The following PCDH15 variants were observed in gnomAD, a reference collection of about 807,000 sequenced individuals.
The protein encoded by PCDH15 is protocadherin-15.
A neutral mutation model predicts 178.5 loss-of-function variants in PCDH15; 129 were observed. The ratio of observed to expected loss-of-function variants is 0.72; its 90% CI spans 0.63 to 0.84. PCDH15 has a LOEUF of 0.84. Ranked by LOEUF, PCDH15 falls within the 40% of genes least tolerant of loss-of-function variation. The probability of loss-of-function intolerance (pLI) is 0.00; values close to 1 mark genes in which losing one functional copy is unlikely to be tolerated. For synonymous variants in PCDH15, 800 were observed against 732.0 expected, an observed-to-expected ratio of 1.09 and a Z score of -1.50; for missense variants, 2,230 against 2,099.9, an observed-to-expected ratio of 1.06 and a Z score of -1.21.
chr10:54,285,466 T>C (rs1479365497), intron 8 of PCDH15, among the ~76,000 whole-genome samples: 2 of 152,076 alleles, frequency 1.3e-5, no homozygotes, highest in African/African-American at 2.4e-5. Flanking sequence ...CCAACAGATA[T>C]ATGAAAAATA....
chr10:55,384,140 T>G (rs1837599155), intron 2 of PCDH15, among the ~76,000 whole-genome samples: 1 of 152,180 alleles, frequency 6.6e-6, no homozygotes, highest in Non-Finnish European at 1.5e-5. Context: ...AGGACAGTTT[T>G]AGACTTTGTT....
chr10:54,061,288 G>T (rs780835515), intron 18 of PCDH15, among the ~76,000 whole-genome samples: 1 of 152,096 alleles, frequency 6.6e-6, no homozygotes, highest in Non-Finnish European at 1.5e-5. Context: ...AAATCCTCTA[G>T]ATTCTATCTC....
chr10:54,390,106 C>G (rs573081190), intron 3 of PCDH15, among the ~76,000 whole-genome samples: 2 of 152,252 alleles, frequency 1.3e-5, no homozygotes, highest in African/African-American at 4.8e-5. Flanking sequence ...AGACTATTAA[C>G]GCCACTTTTC....
At chr10:54,127,132 A>G (rs2042056070) in intron 15 of PCDH15, among the ~76,000 whole-genome samples, 1 of 152,234 alleles carries the variant, frequency 6.6e-6, no homozygotes, top group Non-Finnish European at 1.5e-5. Flanking sequence ...GAACAGTAAG[A>G]AAAACATTTT....
At chr10:54,899,539 C>T (rs1483546789) in intron 2 of PCDH15, among the ~76,000 whole-genome samples, 1 of 146,292 alleles carries the variant, frequency 6.8e-6, no homozygotes, top group Admixed American at 7.1e-5. Flanking sequence ...CCCTGTGGCC[C>T]AGGCTGGAGT....
intron 2 of PCDH15, among the ~76,000 whole-genome samples, chr10:54,663,613 T>C (rs954048649): frequency 2.0e-5 from 3 of 151,200 alleles, no homozygotes; most frequent in Admixed American, 6.6e-5. Context: ...ACTGACTTAC[T>C]GTTAGGGGAA....
chr10:54,657,313 T>C (rs2094424029), intron 2 of PCDH15, among the ~76,000 whole-genome samples: 1 of 152,176 alleles, frequency 6.6e-6, no homozygotes, highest in Non-Finnish European at 1.5e-5. Flanking sequence ...GCTCTTCCAT[T>C]GAAACATTGC....
At chr10:55,464,914 AAAG>A (rs1839800274) in intron 2 of PCDH15, among the ~76,000 whole-genome samples, 2 of 150,204 alleles carry the variant, frequency 1.3e-5, no homozygotes, top group South Asian at 2.1e-4. Context: ...AAAAAAAAAA[AAAG>A]AAACAAAACA....
chr10:55,378,172 G>C (rs2488828), intron 2 of PCDH15, among the ~76,000 whole-genome samples: 95,230 of 151,880 alleles, frequency 0.63, 30,864 homozygotes, highest in African/African-American at 0.76. Flanking sequence ...CAAACCTGCA[G>C]ATTCTGCACC....
chr10:54,916,801 TAC>T (rs140130421), intron 2 of PCDH15, among the ~76,000 whole-genome samples: 10,001 of 152,178 alleles, frequency 0.066, 1,062 homozygotes, highest in African/African-American at 0.22. Context: ...TTGACTTGAA[TAC>T]AGAGTGCCAT....
At chr10:54,253,899 A>T (rs1375697955) in intron 8 of PCDH15, among the ~76,000 whole-genome samples, 1 of 152,036 alleles carries the variant, frequency 6.6e-6, no homozygotes, top group East Asian at 1.9e-4. Context: ...AGAAAAAGAG[A>T]TGTTAATGTC....
At chr10:55,199,533 A>T (rs1310141154) in intron 1 of PCDH15, among the ~76,000 whole-genome samples, 1 of 152,138 alleles carries the variant, frequency 6.6e-6, no homozygotes, top group South Asian at 2.1e-4. Flanking sequence ...GGAAGAAAAA[A>T]AAAATTTCTG....
At chr10:54,489,106 C>T (rs2079354509) in intron 3 of PCDH15, among the ~76,000 whole-genome samples, 1 of 151,880 alleles carries the variant, frequency 6.6e-6, no homozygotes. Context: ...TTTATTATGC[C>T]CTGGATCAAT....
chr10:55,460,722 T>C (rs532255291), intron 2 of PCDH15, among the ~76,000 whole-genome samples: 1 of 152,270 alleles, frequency 6.6e-6, no homozygotes, highest in South Asian at 2.1e-4. Context: ...CAATGTATTA[T>C]CTCATTATGG....
rs115561884 is a variant in PCDH15 at position 54,846,364 on chromosome 10, G to A, written c.-29+51086C>T. Among the ~76,000 whole-genome samples the A allele has an allele frequency of 1.9e-3, 282 of 152,068 alleles. 1 individual carries two copies. The highest frequency in any genetic ancestry group is 6.4e-3 in the African/African-American group (264 of 41,480). ...TGGCCACTTCAATGGCAGGTCCCTCGGGGTTTGTTAAATCATTGCCGAATG... is the reference window on the plus strand; with the variant it reads ...TGGCCACTTCAATGGCAGGTCCCTCAGGGTTTGTTAAATCATTGCCGAATG... On this transcript the variant is annotated intron_variant, in intron 3 of 5. Transcript: ENST00000458638.
intron 1 of PCDH15, among the ~76,000 whole-genome samples, chr10:54,795,992 G>C (rs932043374): frequency 4.6e-5 from 7 of 151,812 alleles, no homozygotes; most frequent in African/African-American, 1.5e-4. Context: ...CCTTTACAGA[G>C]AGAAACCAAG....
intron 2 of PCDH15, among the ~76,000 whole-genome samples, chr10:55,618,423 G>A (rs926685471): frequency 5.3e-5 from 8 of 152,088 alleles, no homozygotes; most frequent in Non-Finnish European, 7.4e-5. Flanking sequence ...CAACTGTACT[G>A]TTACTTAAAT....
At chr10:54,010,659 TC>T (rs1054224156) in intron 20 of PCDH15, among the ~76,000 whole-genome samples, 2 of 151,954 alleles carry the variant, frequency 1.3e-5, no homozygotes, top group Admixed American at 6.6e-5. Flanking sequence ...CCAGAGACAA[TC>T]CACAACCTCT....
At chr10:54,957,444 A>G (rs1838517820) in intron 2 of PCDH15, among the ~76,000 whole-genome samples, 1 of 151,654 alleles carries the variant, frequency 6.6e-6, no homozygotes, top group East Asian at 1.9e-4. Flanking sequence ...TGGTAGGATA[A>G]AAGGTTTTTT....
Sources: gnomAD v4.1 joint callset for allele counts (sites outside exome capture counted in the v4.1 genomes callset) on GRCh38, gnomAD v4.1.1 for gene constraint, MANE v1.5 for transcripts, NCBI Gene and HGNC (gene_info 2026-07-23, HGNC 2026-07-21) for gene names.